PPP3CC: variants seen among roughly 807,000 people sequenced by gnomAD.
PPP3CC encodes serine/threonine-protein phosphatase 2B catalytic subunit gamma isoform.
A neutral mutation model predicts 60.3 loss-of-function variants in PPP3CC; 35 were observed. The observed-to-expected ratio is 0.58, with a 90% CI of 0.44 to 0.77. The LOEUF (loss-of-function observed/expected upper bound fraction) is 0.77, where lower values mean the gene tolerates loss of function less well. Among genes scored for constraint, PPP3CC ranks in the 30% least tolerant of loss-of-function variants. PPP3CC has a pLI of 0.00. For synonymous variants in PPP3CC, 206 were observed against 224.3 expected (o/e 0.92, Z 0.73); for missense variants, 570 against 628.9 (o/e 0.91, Z 1.00).
intron 3 of PPP3CC, among the ~76,000 whole-genome samples, chr8:22,477,097 T>C (rs7827093): frequency 0.52 from 79,022 of 151,926 alleles, 21,088 homozygotes; most frequent in African/African-American, 0.64. Context: ...TGGGAATAGG[T>C]GGAGATTATC....
chr8:22,528,632 G>C, intron 10 of PPP3CC, 55 bp downstream of exon 10: 2 of 1,229,628 alleles, frequency 1.6e-6, no homozygotes, highest in South Asian at 3.5e-5. Flanking sequence ...TTTGGTTTTA[G>C]TTGTTTTAGT....
At chr8:22,527,842 C>T (rs1839600661) in intron 9 of PPP3CC, among the ~76,000 whole-genome samples, 1 of 152,142 alleles carries the variant, frequency 6.6e-6, no homozygotes. Context: ...ACCATATTGG[C>T]CAGGCTGGTC....
At chr8:22,465,888 G>A (rs2132453650) in intron 1 of PPP3CC, among the ~76,000 whole-genome samples, 1 of 152,096 alleles carries the variant, frequency 6.6e-6, no homozygotes, top group African/African-American at 2.4e-5. Context: ...TGCTCAACAT[G>A]CAGGTTTGCT....
intron 3 of PPP3CC, among the ~76,000 whole-genome samples, chr8:22,491,229 A>G (rs1239844274): frequency 6.6e-6 from 1 of 152,200 alleles, no homozygotes; most frequent in Non-Finnish European, 1.5e-5. Context: ...GTATGCATTC[A>G]TACTTGAACT....
rs764100960 is a variant in PPP3CC, at chr8:22,449,868, C to CT, written c.49+8426dup. 3.6e-3 allele frequency among the ~76,000 whole-genome samples: 488 copies of CT among 134,852 alleles called. 1 individual carries two copies. The highest frequency in any genetic ancestry group is 7.7e-3 in the African/African-American group (286 of 36,944). 88.5% of individuals were successfully genotyped at this position (134,852 alleles called of 152,430 possible). On this transcript the variant is annotated intron_variant, in intron 1 of 13. Coordinates refer to ENST00000240139, the MANE Select transcript of PPP3CC (RefSeq NM_005605.5). Reference sequence around the variant, plus strand: ...TTGATGACTGTTATTTTTTTCTTTTCTTTTTTTTTTTTTTTTCTGAGACAG... The same window carrying CT: ...TTGATGACTGTTATTTTTTTCTTTTCTTTTTTTTTTTTTTTTTCTGAGACAG...
rs563638003 is a variant in PPP3CC, at chr8:22,512,376, T to G, written c.631-917T>G. ...AAGCTCTTTCACGCAGTAGAAATTC[T>G]CTTCTTGGCATTCAGCTATTCTATT... is the stretch of plus-strand genomic sequence containing the variant. On this transcript the variant is annotated intron_variant, in intron 5 of 13. Transcript: ENST00000240139. Among the ~76,000 whole-genome samples, 35 of 152,372 alleles carry G rather than the reference T, an allele frequency of 2.3e-4. 1 individual carries two copies. The highest frequency in any genetic ancestry group is 4.4e-5 in the Non-Finnish European group (3 of 68,030).
chr8:22,512,540 TAAAG>T (rs1183177777), intron 5 of PPP3CC, among the ~76,000 whole-genome samples: 1 of 152,170 alleles, frequency 6.6e-6, no homozygotes, highest in Non-Finnish European at 1.5e-5. Flanking sequence ...TTCTTTAAAA[TAAAG>T]AAATCTCCAC....
At chr8:22,482,960 C>CA (rs1838112335) in intron 3 of PPP3CC, among the ~76,000 whole-genome samples, 1 of 152,098 alleles carries the variant, frequency 6.6e-6, no homozygotes, top group African/African-American at 2.4e-5. Context: ...TGGAGAGAGT[C>CA]ACCTTCTAGC....
intron 1 of PPP3CC, among the ~76,000 whole-genome samples, chr8:22,464,581 C>A (rs900177322): frequency 6.6e-6 from 1 of 152,072 alleles, no homozygotes; most frequent in Non-Finnish European, 1.5e-5. Context: ...AGAGTTTCGC[C>A]ATGTTGCGCA....
At chr8:22,515,576 A>T (rs1216547569) in intron 6 of PPP3CC, among the ~76,000 whole-genome samples, 4 of 152,234 alleles carry the variant, frequency 2.6e-5, no homozygotes, top group Non-Finnish European at 5.9e-5. Flanking sequence ...TGTACTAAAC[A>T]TTCCCACCAA....
At chr8:22,459,728 T>A (rs1387853614) in intron 1 of PPP3CC, among the ~76,000 whole-genome samples, 1 of 152,152 alleles carries the variant, frequency 6.6e-6, no homozygotes, top group Non-Finnish European at 1.5e-5. Flanking sequence ...CCCCCCAGAA[T>A]TTGTATGTTG....
intron 5 of PPP3CC, 134 bp downstream of exon 5, chr8:22,511,365 C>A: frequency 1.1e-6 from 1 of 937,176 alleles, no homozygotes; most frequent in Admixed American, 2.6e-5. Context: ...TCTCAGCTCA[C>A]TGCAACCTCC....
At chr8:22,460,229 T>G (rs1347451515) in intron 1 of PPP3CC, among the ~76,000 whole-genome samples, 1 of 152,216 alleles carries the variant, frequency 6.6e-6, no homozygotes, top group Non-Finnish European at 1.5e-5. Context: ...TATAAAAATC[T>G]TTAAATAAAG....
intron 1 of PPP3CC, among the ~76,000 whole-genome samples, chr8:22,453,877 G>A (rs1190716989): frequency 2.6e-5 from 4 of 152,172 alleles, no homozygotes; most frequent in African/African-American, 9.7e-5. Flanking sequence ...TGGTCCACCT[G>A]TGGAGGGCAC....
chr8:22,509,840 A>G (rs1839030423), intron 4 of PPP3CC, among the ~76,000 whole-genome samples: 1 of 152,012 alleles, frequency 6.6e-6, no homozygotes, highest in African/African-American at 2.4e-5. Flanking sequence ...TAGCTTGGAC[A>G]GCAGGTGTGT....
At chr8:22,530,829 C>CAAACAAAAAAAAAAAAAA (rs1839691242) in intron 10 of PPP3CC, among the ~76,000 whole-genome samples, 2 of 58,048 alleles carry the variant, frequency 3.4e-5, no homozygotes, top group African/African-American at 1.0e-4. Context: ...AGACTCATCT[C>CAAACAAAAAAAAAAAAAA]AAAAAAAAAA....
intron 8 of PPP3CC, among the ~76,000 whole-genome samples, chr8:22,523,141 A>G (rs542153179): frequency 4.6e-5 from 7 of 152,126 alleles, no homozygotes; most frequent in East Asian, 1.9e-4. Flanking sequence ...TTATTAAACT[A>G]TTTTTGTTTT....
At chr8:22,467,839 T>A (rs1253813592) in intron 1 of PPP3CC, among the ~76,000 whole-genome samples, 4 of 152,222 alleles carry the variant, frequency 2.6e-5, no homozygotes, top group Non-Finnish European at 2.9e-5. Flanking sequence ...GCCAGCAGAT[T>A]GTGTGTCTGG....
Position 22,522,482 on chromosome 8 carries a change from C to T in PPP3CC, c.771-9C>T. 6.3e-7 allele frequency: 1 copy of T among 1,589,156 alleles called. No homozygotes were observed. Among genetic ancestry groups the T allele is most frequent in the African/African-American group, 1.4e-5 (1 of 73,776 alleles). On this transcript the variant is annotated splice_polypyrimidine_tract_variant and intron_variant, in intron 6 of 13. Coordinates refer to ENST00000240139, the MANE Select transcript of PPP3CC (RefSeq NM_005605.5). ...TTCTGGATTTATGTTTTCTAATTTT[C>T]TTTTCCAGTTACCCTGCAGTTTGTG...
Sources: gnomAD v4.1 joint callset for allele counts (sites outside exome capture counted in the v4.1 genomes callset) on GRCh38, gnomAD v4.1.1 for gene constraint, MANE v1.5 for transcripts, NCBI Gene and HGNC (gene_info 2026-07-23, HGNC 2026-07-21) for gene names.